PLCH1: variants seen among roughly 807,000 people sequenced by gnomAD.
PLCH1 encodes phospholipase C eta 1.
In PLCH1, 60 loss-of-function variants were observed where a neutral mutation model predicts 126.7. That is an observed-to-expected ratio of 0.47 (90% CI 0.38 to 0.59). The LOEUF is 0.59. Among genes scored for constraint, PLCH1 ranks in the 20% least tolerant of loss-of-function variants. The probability of loss-of-function intolerance (pLI) is 0.00; values close to 1 mark genes in which losing one functional copy is unlikely to be tolerated. For synonymous variants in PLCH1, 719 were observed against 734.9 expected, an observed-to-expected ratio of 0.98 and a Z score of 0.35; for missense variants, 1,723 against 2,040.0, an observed-to-expected ratio of 0.84 and a Z score of 2.99.
intron 11 of PLCH1, among the ~76,000 whole-genome samples, chr3:155,515,707 C>T (rs1265092374): frequency 6.6e-6 from 1 of 152,222 alleles, no homozygotes; most frequent in Non-Finnish European, 1.5e-5. Flanking sequence ...TGGCCCCAGC[C>T]TCCGTTCATA....
chr3:155,618,969 G>GA (rs1207578761), intron 2 of PLCH1, among the ~76,000 whole-genome samples: 3 of 152,176 alleles, frequency 2.0e-5, no homozygotes, highest in Non-Finnish European at 2.9e-5. Flanking sequence ...CTTTGCCCAA[G>GA]AAAAAAGCCC....
chr3:155,485,913 C>T (rs1715000096), intron 21 of PLCH1: 1 of 602,004 alleles, frequency 1.7e-6, no homozygotes, highest in Admixed American at 3.0e-5. Flanking sequence ...GCAAGGACTT[C>T]AGCCTTCCAT....
At chr3:155,693,721 T>C (rs407033) in intron 2 of PLCH1, among the ~76,000 whole-genome samples, 87,236 of 152,000 alleles carry the variant, frequency 0.57, 27,559 homozygotes, top group African/African-American at 0.84. Context: ...CCTGGGGTCA[T>C]GAGTTCGAGA....
At chr3:155,472,254 C>T (rs372641069) in intron 21 of PLCH1, among the ~76,000 whole-genome samples, 26 of 151,838 alleles carry the variant, frequency 1.7e-4, no homozygotes, top group African/African-American at 4.1e-4. Flanking sequence ...ATATCACCAC[C>T]GATCCCACAG....
At chr3:155,551,469 A>G (rs1375873134) in intron 9 of PLCH1, among the ~76,000 whole-genome samples, 2 of 115,818 alleles carry the variant, frequency 1.7e-5, no homozygotes, top group African/African-American at 5.5e-5. Context: ...AAAAAAAAAA[A>G]AAAAAAAAAA....
At chr3:155,583,780 C>A (rs1731012525) in intron 5 of PLCH1, 138 bp from the exon 6 acceptor site, 1 of 569,178 alleles carries the variant, frequency 1.8e-6, no homozygotes, top group Non-Finnish European at 2.9e-6. Flanking sequence ...AGCACACATT[C>A]TCTTCAAGCA....
intron 10 of PLCH1, among the ~76,000 whole-genome samples, chr3:155,529,835 C>T (rs1288196782): frequency 2.6e-5 from 4 of 151,976 alleles, no homozygotes; most frequent in Non-Finnish European, 5.9e-5. Context: ...GGCACGACCT[C>T]GGCTCACTGC....
rs1728154772 is a variant in PLCH1, at chr3:155,565,129, AAG to A, written c.866-13_866-12del. On this transcript the variant is annotated splice_polypyrimidine_tract_variant and intron_variant, in intron 7 of 22. Coordinates refer to ENST00000460012, the MANE Select transcript of PLCH1 (RefSeq NM_014996.4). ...TGAAGTTCGTGAAGCCTTTGGAAGA[AAG>A]AGAGTGACTTACTACAGCTTTCAAA... is the stretch of plus-strand genomic sequence containing the variant. The A allele has an allele frequency of 6.3e-7, 1 of 1,595,732 alleles. No individual in the cohort carries two copies. Among genetic ancestry groups the A allele is most frequent in the South Asian group, 1.1e-5 (1 of 90,646 alleles).
At chr3:155,647,971 A>T (rs936997743) in intron 2 of PLCH1, among the ~76,000 whole-genome samples, 24 of 152,190 alleles carry the variant, frequency 1.6e-4, no homozygotes, top group Admixed American at 3.9e-4. Context: ...GAGGTCCTGA[A>T]AGAAGCAATT....
intron 11 of PLCH1, among the ~76,000 whole-genome samples, chr3:155,521,082 C>A (rs535209047): frequency 4.7e-4 from 72 of 152,260 alleles, no homozygotes; most frequent in South Asian, 1.2e-3. Context: ...TTCTTTCAGG[C>A]CTTTGTTCAA....
At chr3:155,644,585 A>T (rs924925967) in intron 2 of PLCH1, among the ~76,000 whole-genome samples, 1 of 152,220 alleles carries the variant, frequency 6.6e-6, no homozygotes, top group Non-Finnish European at 1.5e-5. Context: ...CCTAGGCAAC[A>T]GAACGAGGCT....
In PLCH1 at chr3:155,676,052, T is replaced by G. The variant is rs898437202; in HGVS notation, c.79+28094A>C. 1.1e-5 allele frequency: 16 copies of G among 1,518,928 alleles called. No homozygotes were observed. In the African/African-American group the frequency reaches 2.2e-4, roughly 21 times the overall value. The allele number at this position is 1,518,928 out of a possible 1,614,324, so 94.1% of individuals were successfully genotyped here. A position where few individuals can be genotyped will look rare whatever the true frequency, so the allele number is the denominator to read the frequency against. ...CAAGGTCTGCCATTAAATTTAATAC[T>G]ATTACACATTATTGGCAAGAGCAGT... is the stretch of plus-strand genomic sequence containing the variant. On this transcript the variant is annotated intron_variant, in intron 2 of 22. Coordinates refer to ENST00000460012, the MANE Select transcript of PLCH1 (RefSeq NM_014996.4).
rs1362798025 is a variant in PLCH1, at chr3:155,554,160, A to G, written c.1106T>C (p.Val369Ala). The G allele has an allele frequency of 6.2e-7, 1 of 1,613,736 alleles. No individual in the cohort carries two copies. The highest frequency in any genetic ancestry group is 8.5e-7 in the Non-Finnish European group (1 of 1,179,676). ...CWDGPDGEPVVHHGYTLTSKI... is the reference protein window; with the variant it reads ...CWDGPDGEPVAHHGYTLTSKI... The stretch of plus-strand genomic sequence containing the variant: ...TGAAGTGAGAGTGTAACCATGATGT[A>G]CTACTGGCTCTCCATCTGGGCCATC... Residue 369 changes from valine (V) to alanine (A), a missense_variant, in exon 9 of 23, where the codon GTA (valine) becomes GCA (alanine). Transcript: ENST00000460012.
At chr3:155,620,070 T>A (rs893478223) in intron 2 of PLCH1, among the ~76,000 whole-genome samples, 1 of 152,182 alleles carries the variant, frequency 6.6e-6, no homozygotes, top group East Asian at 1.9e-4. Context: ...GGAGTTGTTA[T>A]CCCAAATCAG....
intron 2 of PLCH1, among the ~76,000 whole-genome samples, chr3:155,662,432 C>T (rs552526987): frequency 1.3e-5 from 2 of 151,966 alleles, no homozygotes; most frequent in African/African-American, 4.8e-5. Context: ...CGCACCACTG[C>T]ACTCCAGCCT....
intron 1 of PLCH1, among the ~76,000 whole-genome samples, chr3:155,707,187 C>G (rs1746742952): frequency 6.6e-6 from 1 of 152,136 alleles, no homozygotes; most frequent in South Asian, 2.1e-4. Flanking sequence ...TCCCAGCCTC[C>G]AGAATTGTGA....
intron 1 of PLCH1, among the ~76,000 whole-genome samples, chr3:155,739,021 A>G (rs1313281732): frequency 6.6e-6 from 1 of 152,220 alleles, no homozygotes; most frequent in Non-Finnish European, 1.5e-5. Flanking sequence ...TGTGTGAACG[A>G]TGACATTCCT....
chr3:155,576,961 G>A (rs1255929015), intron 6 of PLCH1, among the ~76,000 whole-genome samples: 2 of 152,160 alleles, frequency 1.3e-5, no homozygotes. Context: ...AACTACTCCA[G>A]TATCATTCTA....
intron 6 of PLCH1, among the ~76,000 whole-genome samples, chr3:155,581,467 TAAGAAG>T (rs1259679364): frequency 1.3e-5 from 2 of 152,180 alleles, no homozygotes; most frequent in Non-Finnish European, 2.9e-5. Context: ...TATTTGGCAA[TAAGAAG>T]AAATGAAATA....
Sources: allele counts gnomAD v4.1 joint callset (sites outside exome capture counted in the v4.1 genomes callset), GRCh38; gene constraint gnomAD v4.1.1; transcripts MANE v1.5; gene names NCBI Gene and HGNC (gene_info 2026-07-23, HGNC 2026-07-21).